The following PIK3C3 variants were observed in gnomAD, a reference collection of about 807,000 sequenced individuals.
The protein encoded by PIK3C3 is phosphatidylinositol 3-kinase catalytic subunit type 3.
PIK3C3 carries 95 observed loss-of-function variants against 126.1 expected under a neutral mutation model. The observed-to-expected ratio is 0.75, with a 90% CI of 0.64 to 0.89. The LOEUF (loss-of-function observed/expected upper bound fraction) is 0.89. Ranked by LOEUF, PIK3C3 falls within the 40% of genes least tolerant of loss-of-function variation. The probability of loss-of-function intolerance (pLI) is 0.00; values close to 1 mark genes in which losing one functional copy is unlikely to be tolerated. For synonymous variants in PIK3C3, 374 were observed against 360.0 expected (o/e 1.04, Z -0.44); for missense variants, 829 against 1,063.2 (o/e 0.78, Z 3.06).
rs139106251 is a variant in PIK3C3 at position 42,010,372 on chromosome 18, T to G, written c.1171-3070T>G. On this transcript the variant is annotated intron_variant, in intron 10 of 24. Transcript: ENST00000262039. ...ATTTACTTCCTCCACTGAAGTCTTT[T>G]TTGTTGTTGTTGAGATGGAGTCTCC... 5.3e-4 allele frequency among the ~76,000 whole-genome samples: 81 copies of G among 152,200 alleles called. 1 individual carries two copies. In the East Asian group the frequency reaches 0.012, roughly 23 times the overall value.
In PIK3C3 at chr18:42,057,984, G is replaced by T; in HGVS notation, c.2365G>T (p.Gly789Cys). ...TAAAGAAATGGTAGAAGGAATGGGGGGCACACAGAGTGAGCAGTACCAAGA... is the reference window on the plus strand; with the variant it reads ...TAAAGAAATGGTAGAAGGAATGGGGTGCACACAGAGTGAGCAGTACCAAGA... ...LNKEMVEGMG[G>C]TQSEQYQEFR... Residue 789 changes from glycine (G) to cysteine (C), a missense_variant, in exon 22 of 25, where the codon GGC (glycine) becomes TGC (cysteine). This residue lies in a region of PIK3C3 where 196 missense variants were observed against 312.8 expected (regional missense o/e 0.63). Transcript: ENST00000262039. 1 of 1,613,066 alleles carries T rather than the reference G, an allele frequency of 6.2e-7. No individual in the cohort carries two copies. The highest frequency in any genetic ancestry group is 8.5e-7 in the Non-Finnish European group (1 of 1,179,438).
At chr18:42,023,219 G>A (rs560664783) in intron 13 of PIK3C3, among the ~76,000 whole-genome samples, 1 of 152,184 alleles carries the variant, frequency 6.6e-6, no homozygotes, top group Non-Finnish European at 1.5e-5. Flanking sequence ...TACTGATTAT[G>A]TGGTGCTTTC....
chr18:42,009,328 T>A (rs775441697), intron 10 of PIK3C3, among the ~76,000 whole-genome samples: 4 of 152,144 alleles, frequency 2.6e-5, no homozygotes, highest in Non-Finnish European at 5.9e-5. Context: ...TATGATGAAG[T>A]CATATGTATT....
At chr18:41,967,216 C>T (rs1274086584) in intron 3 of PIK3C3, among the ~76,000 whole-genome samples, 1 of 152,030 alleles carries the variant, frequency 6.6e-6, no homozygotes, top group Non-Finnish European at 1.5e-5. Flanking sequence ...CAGACATCTC[C>T]TTATGCTGTT....
rs373703962 is a variant in PIK3C3, at chr18:42,078,353, C to T, written c.2650-2770C>T. ...GATTGCGCCACTGCAGTCCGCAGTCCGGCCTGGGCAACAGAGCGAGACTCT... is the reference window on the plus strand; with the variant it reads ...GATTGCGCCACTGCAGTCCGCAGTCTGGCCTGGGCAACAGAGCGAGACTCT... On this transcript the variant is annotated intron_variant, in intron 24 of 24. Coordinates refer to ENST00000262039, the MANE Select transcript of PIK3C3 (RefSeq NM_002647.4). Among the ~76,000 whole-genome samples, 133 of 132,650 alleles carry T rather than the reference C, an allele frequency of 1.0e-3. 1 individual carries two copies. Among genetic ancestry groups the T allele is most frequent in the South Asian group, 3.9e-3 (16 of 4,148 alleles). The allele number at this position is 132,650 out of a possible 152,430, so 87.0% of individuals were successfully genotyped here. A position where few individuals can be genotyped will look rare whatever the true frequency, so the allele number is the denominator to read the frequency against.
intron 7 of PIK3C3, among the ~76,000 whole-genome samples, chr18:41,993,976 G>A (rs1333941057): frequency 6.6e-6 from 1 of 152,132 alleles, no homozygotes; most frequent in Non-Finnish European, 1.5e-5. Context: ...CAGCACGATA[G>A]TTACCATGAT....
chr18:42,017,893 A>G (rs1044822668), intron 12 of PIK3C3, among the ~76,000 whole-genome samples: 1 of 151,892 alleles, frequency 6.6e-6, no homozygotes, highest in Non-Finnish European at 1.5e-5. Flanking sequence ...ACTCTGTTTT[A>G]TAACTGGAAC....
intron 19 of PIK3C3, among the ~76,000 whole-genome samples, 160 bp downstream of exon 19, chr18:42,040,901 G>A (rs568497792): frequency 6.6e-6 from 1 of 152,086 alleles, no homozygotes; most frequent in East Asian, 1.9e-4. Flanking sequence ...GTTCGCAGTT[G>A]AAGATTCTTC....
At chr18:42,009,587 A>G (rs1045782409) in intron 10 of PIK3C3, among the ~76,000 whole-genome samples, 1 of 151,538 alleles carries the variant, frequency 6.6e-6, no homozygotes, top group Non-Finnish European at 1.5e-5. Context: ...AAGTATGTAG[A>G]CTACATTATG....
intron 12 of PIK3C3, among the ~76,000 whole-genome samples, chr18:42,018,651 C>A (rs1336907409): frequency 6.6e-6 from 1 of 152,058 alleles, no homozygotes; most frequent in African/African-American, 2.4e-5. Context: ...TAAGAAAGGA[C>A]CCCTACTGTG....
rs1185133862 is a variant in PIK3C3 at position 42,084,529 on chromosome 18, A to G, written c.*3392A>G. 6.6e-6 allele frequency: 1 copy of G among 151,566 alleles called. No homozygotes were observed. The highest frequency in any genetic ancestry group is 1.5e-5 in the Non-Finnish European group (1 of 67,920). The allele number at this position is 151,566 out of a possible 1,614,324, so 9.4% of individuals were successfully genotyped here. ...GATGGGATCCAGGAACAGAAAAAGAACATTAGGTAAAAATGACAGAAATCT... is the reference window on the plus strand; with the variant it reads ...GATGGGATCCAGGAACAGAAAAAGAGCATTAGGTAAAAATGACAGAAATCT... On this transcript the variant is annotated 3_prime_UTR_variant, in exon 25 of 25. Transcript: ENST00000262039.
chr18:42,006,983 C>T (rs551739511), intron 10 of PIK3C3, among the ~76,000 whole-genome samples: 20 of 151,548 alleles, frequency 1.3e-4, no homozygotes, highest in Non-Finnish European at 2.4e-4. Context: ...ACGGCCTCAG[C>T]CTCCCAAGTA....
At position 41,960,696 on chromosome 18, in the gene PIK3C3, A is replaced by G. The variant is rs1980034777; in HGVS notation, c.258-1793A>G. Among the ~76,000 whole-genome samples, 6 of 152,034 alleles carry G rather than the reference A, an allele frequency of 3.9e-5. No homozygotes were observed. The South Asian group carries it at 1.0e-3, about 26-fold the overall frequency. On this transcript the variant is annotated intron_variant, in intron 2 of 24. Transcript: ENST00000262039. ...GACTAGATTTTTCTATAACTTCTAG[A>G]ATATCTAGAGCAGTTTTCAAACTTT... is the stretch of plus-strand genomic sequence containing the variant.
At chr18:42,027,746 C>G (rs769717420) in intron 14 of PIK3C3, among the ~76,000 whole-genome samples, 198 bp downstream of exon 14, 3 of 152,180 alleles carry the variant, frequency 2.0e-5, no homozygotes, top group Non-Finnish European at 2.9e-5. Context: ...CCTCTGCCTC[C>G]TGGGTTCAAG....
rs146393267 is a variant in PIK3C3, at chr18:42,034,910, A to T, written c.1839+953A>T. ...AAAAAGTGTGTTTCAAGGCAACCTC[A>T]TATTTGGTCATGGGTTGCAGCCCAG... On this transcript the variant is annotated intron_variant, in intron 16 of 24. Transcript: ENST00000262039. 3.4e-3 allele frequency among the ~76,000 whole-genome samples: 522 copies of T among 152,344 alleles called. 9 individuals are homozygous for T. The highest frequency in any genetic ancestry group is 0.028 in the Admixed American group (421 of 15,306).
intron 2 of PIK3C3, 45 bp downstream of exon 2, chr18:41,957,803 C>G (rs1979865713): frequency 7.1e-7 from 1 of 1,416,144 alleles, no homozygotes. Context: ...CTGTTCTTAC[C>G]TTTCTTTATG....
rs150817160 is a variant in PIK3C3 at position 42,005,795 on chromosome 18, T to C, written c.1170+1254T>C. Among the ~76,000 whole-genome samples the C allele has an allele frequency of 6.5e-3, 942 of 145,564 alleles. 13 individuals carry two copies. The highest frequency in any genetic ancestry group is 0.012 in the South Asian group (51 of 4,308). On this transcript the variant is annotated intron_variant, in intron 10 of 24. Coordinates refer to ENST00000262039, the MANE Select transcript of PIK3C3 (RefSeq NM_002647.4). ...ATCATTGTATGTGTGTATTTAATTA[T>C]GGTGAAATTTAAACACTAAAGTAAA...
At chr18:42,029,558 T>A in intron 15 of PIK3C3, 117 bp downstream of exon 15, 1 of 600,230 alleles carries the variant, frequency 1.7e-6, no homozygotes, top group Non-Finnish European at 2.9e-6. Flanking sequence ...TTTTTTTTTT[T>A]TTTTGACAAT....
chr18:42,049,138 A>C (rs904734927), intron 20 of PIK3C3, among the ~76,000 whole-genome samples: 4 of 152,188 alleles, frequency 2.6e-5, no homozygotes. Flanking sequence ...CACAGACTTA[A>C]AAAACAATTT....
Sources: allele counts gnomAD v4.1 joint callset (sites outside exome capture counted in the v4.1 genomes callset), GRCh38; gene constraint gnomAD v4.1.1; regional missense constraint gnomAD v4.1.1; transcripts MANE v1.5; gene names NCBI Gene and HGNC (gene_info 2026-07-23, HGNC 2026-07-21).